Variants in SYTL1 observed in about 807,000 individuals in gnomAD.
SYTL1 encodes the protein synaptotagmin-like protein 1.
A neutral mutation model predicts 74.6 loss-of-function variants in SYTL1; 53 were observed. That is an observed-to-expected ratio of 0.71 (90% confidence interval 0.57 to 0.89). SYTL1 has a LOEUF of 0.89. SYTL1 is among the 40% of genes least tolerant of loss of function. The pLI, the probability that SYTL1 is intolerant of heterozygous loss-of-function variation, is 0.00. For missense variants in SYTL1, 728 were observed against 768.7 expected (o/e 0.95, Z 0.63); for synonymous variants, 329 against 324.9 (o/e 1.01, Z -0.14).
At position 27,350,129 on chromosome 1, in the gene SYTL1, A is replaced by C. The variant is rs2015196127; in HGVS notation, c.905A>C (p.Asp302Ala). ...GCCGCCGCCCGGCGCCGCCGCTCGG[A>C]CCCGTGAGTGCCCCGCCGGCCAAGC... ...GLAAARRRRS[D>A]PYVKSYLLPD... is the part of the protein sequence containing the mutation. The change falls in exon 9 of 15, where the codon GAC becomes GCC. Residue 302 changes from aspartate to alanine, a missense_variant. Physicochemically the swap from Asp to Ala is moderately radical, Grantham distance 126. Transcript: ENST00000616558. The surrounding 1 kb of genome is among the most constrained non-coding windows in gnomAD (Gnocchi z 6.3). 7.2e-7 allele frequency: 1 copy of C among 1,395,166 alleles called. No homozygotes were observed. Among genetic ancestry groups the C allele is most frequent in the Non-Finnish European group, 9.3e-7 (1 of 1,077,018 alleles). 86.4% of individuals were successfully genotyped at this position (1,395,166 alleles called of 1,614,324 possible). A position where few individuals can be genotyped will look rare whatever the true frequency, so the allele number is the denominator to read the frequency against.
Position 27,353,486 on chromosome 1 carries a change from C to T in SYTL1, c.1547C>T (p.Thr516Ile), listed in dbSNP as rs918226376. 1 of 1,596,326 alleles carries T rather than the reference C, an allele frequency of 6.3e-7. No homozygotes were observed. ...GGGGGCACACGCCTCAGCCTGGGCA[C>T]CGGTAAGTGGGACAGCACCCTGAGA... Reference protein sequence around the residue: ...QLGGTRLSLGTGSSYGLQVPW... With the variant: ...QLGGTRLSLGIGSSYGLQVPW... The change falls in exon 14 of 15, where the codon ACC becomes ATC. Residue 516 changes from threonine (T) to isoleucine (I), a missense_variant and splice_region_variant. By Grantham distance (89) the Thr-to-Ile change is moderately conservative. Coordinates refer to ENST00000616558, the MANE Select transcript of SYTL1 (RefSeq NM_001193308.2).
At chr1:27,353,072 A>C (rs1007061204) in intron 13 of SYTL1, 12 of 594,490 alleles carry the variant, frequency 2.0e-5, no homozygotes, top group Non-Finnish European at 2.7e-5. Flanking sequence ...AGGCGTGAGC[A>C]ACCTCGCCCG....
rs1346685761 is a variant in SYTL1 at position 27,350,548 on chromosome 1, T to C, written c.1005+63T>C. The C allele has an allele frequency of 5.7e-6, 8 of 1,413,584 alleles. No individual in the cohort carries two copies. The highest frequency in any genetic ancestry group is 3.5e-5 in the Admixed American group (2 of 57,316). 87.6% of individuals were successfully genotyped at this position (1,413,584 alleles called of 1,614,324 possible). On this transcript the variant is annotated intron_variant, in intron 10 of 14. Transcript: ENST00000616558. This position sits in a 1 kb window ranked among gnomAD's most constrained non-coding sequence, Gnocchi z 6.3. ...ACTGGACGCCCCCTTCCTGCGGGGC[T>C]AGGTGGCAAGGGCAGCCAGTAACGT...
Position 27,353,398 on chromosome 1 carries a change from C to T in SYTL1, c.1459C>T (p.Leu487=), listed in dbSNP as rs1227088623. ...GTACGATGGCTTTGGGCCTGCTGACCTGCGCCAGGCTTGTGCCGAGCTCTC... is the reference window on the plus strand; with the variant it reads ...GTACGATGGCTTTGGGCCTGCTGACTTGCGCCAGGCTTGTGCCGAGCTCTC... ...MVYDGFGPAD[L]RQACAELSLW... is the part of the protein sequence containing the mutation. The change falls in exon 14 of 15, where the codon CTG becomes TTG. Residue 487 remains leucine, a synonymous_variant. Coordinates refer to ENST00000616558, the MANE Select transcript of SYTL1 (RefSeq NM_001193308.2). 1 of 1,611,374 alleles carries T rather than the reference C, an allele frequency of 6.2e-7. No homozygotes were observed. Among genetic ancestry groups the T allele is most frequent in the South Asian group, 1.1e-5 (1 of 90,298 alleles).
Position 27,350,700 on chromosome 1 carries a change from G to A in SYTL1, c.1006-94G>A, listed in dbSNP as rs1170739097. On this transcript the variant is annotated intron_variant, in intron 10 of 14. Transcript: ENST00000616558. This position sits in a 1 kb window ranked among gnomAD's most constrained non-coding sequence, Gnocchi z 6.3. ...TAGGGGCTCCCCAGAATTCCATCAT[G>A]GTAGGAACGCGGTAGGACCTGCCTC... 1.1e-5 allele frequency: 16 copies of A among 1,459,218 alleles called. No individual in the cohort carries two copies. The highest frequency in any genetic ancestry group is 4.7e-6 in the Non-Finnish European group (5 of 1,067,142). The allele number at this position is 1,459,218 out of a possible 1,614,324, so 90.4% of individuals were successfully genotyped here.
In SYTL1 at chr1:27,345,516, G is replaced by A. The variant is rs1341504055; in HGVS notation, c.182G>A (p.Gly61Glu). 1.3e-6 allele frequency: 2 copies of A among 1,552,264 alleles called. No homozygotes were observed. Among genetic ancestry groups the A allele is most frequent in the Non-Finnish European group, 1.7e-6 (2 of 1,147,300 alleles). The change falls in exon 2 of 15, where the codon GGG becomes GAG. Residue 61 changes from glycine to glutamate, a missense_variant. Coordinates refer to ENST00000616558, the MANE Select transcript of SYTL1 (RefSeq NM_001193308.2). The surrounding 1 kb of genome is among the most constrained non-coding windows in gnomAD (Gnocchi z 6.0). The stretch of plus-strand genomic sequence containing the variant: ...GCCCGCCTGCGCCAGCTGGAGGAGG[G>A]GCGGGTCAGGTAAGGCAGGGCAGAC... The part of the protein sequence containing the change: ...RDARLRQLEE[G>E]RVSKLRASVA...
In SYTL1 at chr1:27,345,956, T is replaced by G. The variant is rs971147909; in HGVS notation, c.191+431T>G. Reference sequence around the variant, plus strand: ...CCACCATGCCCAGCTAATTTTTGTATTTTTAGTAGAGATGGGTTTTCGCCA... The same window carrying G: ...CCACCATGCCCAGCTAATTTTTGTAGTTTTAGTAGAGATGGGTTTTCGCCA... On this transcript the variant is annotated intron_variant, in intron 2 of 14. Transcript: ENST00000616558. The surrounding 1 kb of genome is among the most constrained non-coding windows in gnomAD (Gnocchi z 6.0). Among the ~76,000 whole-genome samples, 2 of 152,184 alleles carry G rather than the reference T, an allele frequency of 1.3e-5. No individual in the cohort carries two copies. The highest frequency in any genetic ancestry group is 4.8e-5 in the African/African-American group (2 of 41,440).
rs746098622 is a variant in SYTL1, at chr1:27,345,642, A to T, written c.191+117A>T. The stretch of plus-strand genomic sequence containing the variant: ...TGCGTGGTTCTTGGTTTTGCCCTTC[A>T]GTCTCCTCTGGCCTTGGCCAGCTCA... On this transcript the variant is annotated intron_variant, in intron 2 of 14. Coordinates refer to ENST00000616558, the MANE Select transcript of SYTL1 (RefSeq NM_001193308.2). This position sits in a 1 kb window ranked among gnomAD's most constrained non-coding sequence, Gnocchi z 6.0. 5.7e-6 allele frequency: 4 copies of T among 698,178 alleles called. No individual in the cohort carries two copies. Among genetic ancestry groups the T allele is most frequent in the Non-Finnish European group, 9.2e-6 (4 of 435,066 alleles). The allele number at this position is 698,178 out of a possible 1,614,324, so 43.2% of individuals were successfully genotyped here.
Position 27,350,986 on chromosome 1 carries a change from GC to G in SYTL1, c.1164+37del, listed in dbSNP as rs2015246793. Reference sequence around the variant, plus strand: ...GCCAGGCCGCGTGGGGAGACCTGCGGCCCGGGTCTCCTGCATTTACCCCACC... The same window carrying G: ...GCCAGGCCGCGTGGGGAGACCTGCGGCCGGGTCTCCTGCATTTACCCCACC... On this transcript the variant is annotated intron_variant, in intron 11 of 14. Transcript: ENST00000616558. The surrounding 1 kb of genome is among the most constrained non-coding windows in gnomAD (Gnocchi z 6.3). The G allele has an allele frequency of 6.2e-7, 1 of 1,609,346 alleles. No individual in the cohort carries two copies. Among genetic ancestry groups the G allele is most frequent in the African/African-American group, 1.3e-5 (1 of 74,822 alleles).
At position 27,343,589 on chromosome 1, in the gene SYTL1, TGTG is replaced by T. The variant is rs2014869843; in HGVS notation, c.-39+1440_-39+1442del. Among the ~76,000 whole-genome samples, 1 of 150,496 alleles carries T rather than the reference TGTG, an allele frequency of 6.6e-6. No individual in the cohort carries two copies. ...TTCCTGGTGCGGGGGAGTGAGCAGA[TGTG>T]TGTGTGTGTACGTGTGTGTGTGTGT... On this transcript the variant is annotated intron_variant, in intron 1 of 14. Coordinates refer to ENST00000616558, the MANE Select transcript of SYTL1 (RefSeq NM_001193308.2). The surrounding 1 kb of genome is among the most constrained non-coding windows in gnomAD (Gnocchi z 5.2).
rs1381077151 is a variant in SYTL1, at chr1:27,351,511, C to T, written c.1299C>T (p.Asp433=). The part of the protein sequence containing the change: ...ELHFWVKEAR[D]LLPLRAGSLD... ...ACTTCTGGGTGAAGGAGGCTCGGGA[C>T]CTCCTGCCGCTGCGGGCAGGATCCC... The change falls in exon 13 of 15, where the codon GAC becomes GAT. Residue 433 remains aspartate (D), a synonymous_variant. Coordinates refer to ENST00000616558, the MANE Select transcript of SYTL1 (RefSeq NM_001193308.2). The surrounding 1 kb of genome is among the most constrained non-coding windows in gnomAD (Gnocchi z 5.0). 2 of 1,549,020 alleles carry T rather than the reference C, an allele frequency of 1.3e-6. No individual in the cohort carries two copies. The highest frequency in any genetic ancestry group is 2.4e-5 in the East Asian group (1 of 40,920).
Position 27,342,609 on chromosome 1 carries a change from T to C in SYTL1, c.-39+459T>C, listed in dbSNP as rs1327711731. 5.3e-5 allele frequency among the ~76,000 whole-genome samples: 8 copies of C among 152,060 alleles called. 1 individual carries two copies. The highest frequency in any genetic ancestry group is 4.6e-4 in the Admixed American group (7 of 15,286). ...GTCACACATACAGCACAGGAGGAAATGCACAATGCATACTGTACACACCCC... is the reference window on the plus strand; with the variant it reads ...GTCACACATACAGCACAGGAGGAAACGCACAATGCATACTGTACACACCCC... On this transcript the variant is annotated intron_variant, in intron 1 of 14. Transcript: ENST00000616558. The surrounding 1 kb of genome is among the most constrained non-coding windows in gnomAD (Gnocchi z 4.7).
Position 27,351,141 on chromosome 1 carries a change from C to A in SYTL1, c.1165-117C>A. On this transcript the variant is annotated intron_variant, in intron 11 of 14. Transcript: ENST00000616558. This position sits in a 1 kb window ranked among gnomAD's most constrained non-coding sequence, Gnocchi z 5.0. Reference sequence around the variant, plus strand: ...CCGAGGGCGCTAGGACCCCTAGGTTCTGCCCCTGCAGGCCCCGCCGTCTCT... The same window carrying A: ...CCGAGGGCGCTAGGACCCCTAGGTTATGCCCCTGCAGGCCCCGCCGTCTCT... 1 of 1,364,616 alleles carries A rather than the reference C, an allele frequency of 7.3e-7. No homozygotes were observed. The highest frequency in any genetic ancestry group is 1.0e-6 in the Non-Finnish European group (1 of 1,003,512). The allele number at this position is 1,364,616 out of a possible 1,614,324, so 84.5% of individuals were successfully genotyped here. A position where few individuals can be genotyped will look rare whatever the true frequency, so the allele number is the denominator to read the frequency against.
chr1:27,353,883 T>A lies in SYTL1; in HGVS notation c.*31T>A, dbSNP rs1247906796. 4 of 1,600,578 alleles carry A rather than the reference T, an allele frequency of 2.5e-6. No individual in the cohort carries two copies. Among genetic ancestry groups the A allele is most frequent in the Non-Finnish European group, 3.4e-6 (4 of 1,170,080 alleles). ...CCAAGCCTCTCTCTCTGGACCCCCA[T>A]CTCAGGGCCTGCCCTTGGCTAAAGT... is the stretch of plus-strand genomic sequence containing the variant. On this transcript the variant is annotated 3_prime_UTR_variant, in exon 15 of 15. Transcript: ENST00000616558.
Position 27,349,718 on chromosome 1 carries a change from C to T in SYTL1, c.700C>T (p.Arg234Cys). 6.2e-7 allele frequency: 1 copy of T among 1,610,702 alleles called. No individual in the cohort carries two copies. Among genetic ancestry groups the T allele is most frequent in the Non-Finnish European group, 8.5e-7 (1 of 1,179,384 alleles). Residue 234 changes from arginine to cysteine, a missense_variant, in exon 8 of 15, where the codon CGC becomes TGC. Physicochemically the swap from Arg to Cys is radical, Grantham distance 180. Transcript: ENST00000616558. ...CCCGGGGCCCGACCCCTCTCTCGAC[C>T]GCATGCTCAGCAGCAGCTCCTCGGT... ...EAPGPDPSLD[R>C]MLSSSSSVSS...
rs530706481 is a variant in SYTL1 at position 27,349,878 on chromosome 1, C to T, written c.748-94C>T. On this transcript the variant is annotated intron_variant, in intron 8 of 14. Coordinates refer to ENST00000616558, the MANE Select transcript of SYTL1 (RefSeq NM_001193308.2). ...CCCACCGCTGCAGCCCCCCAGCCTG[C>T]CACCTATGACCCGGGTCTGAAGCCT... 5.1e-5 allele frequency: 79 copies of T among 1,535,868 alleles called. No individual in the cohort carries two copies. In the South Asian group the frequency reaches 7.7e-4, roughly 15 times the overall value.
At chr1:27,349,581 G>T (rs746635119) in intron 7 of SYTL1, 71 bp from the exon 8 acceptor site, 1 of 1,189,878 alleles carries the variant, frequency 8.4e-7, no homozygotes, top group Non-Finnish European at 1.2e-6. Flanking sequence ...GCTGCGAGCC[G>T]CCCGCGACCC....
In SYTL1 at chr1:27,350,322, G is replaced by C. The variant is rs1395641181; in HGVS notation, c.909-67G>C. The C allele has an allele frequency of 4.6e-6, 7 of 1,523,224 alleles. No homozygotes were observed. The South Asian group carries it at 7.8e-5, about 17-fold the overall frequency. 94.4% of individuals were successfully genotyped at this position (1,523,224 alleles called of 1,614,324 possible). A position where few individuals can be genotyped will look rare whatever the true frequency, so the allele number is the denominator to read the frequency against. On this transcript the variant is annotated intron_variant, in intron 9 of 14. Transcript: ENST00000616558. The surrounding 1 kb of genome is among the most constrained non-coding windows in gnomAD (Gnocchi z 6.3). ...GCACGTGTTCGGGATGGTGGCTGGG[G>C]GAGCCCACAGGCAGGGGAGAAGGCT...
Position 27,345,694 on chromosome 1 carries a change from T to C in SYTL1, c.191+169T>C, listed in dbSNP as rs574685312. 6.6e-6 allele frequency among the ~76,000 whole-genome samples: 1 copy of C among 152,206 alleles called. No homozygotes were observed. Among genetic ancestry groups the C allele is most frequent in the African/African-American group, 2.4e-5 (1 of 41,532 alleles). ...AGCTCATCACTTCTCCAGGGGTGACTGCACCAGCTTTCTCGCCAGCCTCCC... is the reference window on the plus strand; with the variant it reads ...AGCTCATCACTTCTCCAGGGGTGACCGCACCAGCTTTCTCGCCAGCCTCCC... On this transcript the variant is annotated intron_variant, in intron 2 of 14. Transcript: ENST00000616558. The surrounding 1 kb of genome is among the most constrained non-coding windows in gnomAD (Gnocchi z 6.0).
Sources: allele counts gnomAD v4.1 joint callset (sites outside exome capture counted in the v4.1 genomes callset), GRCh38; gene constraint gnomAD v4.1.1; non-coding constraint Gnocchi (gnomAD v3.1); transcripts MANE v1.5; gene names NCBI Gene and HGNC (gene_info 2026-07-23, HGNC 2026-07-21).